The following TRAF3 variants were observed in gnomAD, a reference collection of about 807,000 sequenced individuals.
TRAF3 encodes TNF receptor associated factor 3, also known as TNF receptor-associated factor 3.
A neutral mutation model predicts 62.3 loss-of-function variants in TRAF3; 13 were observed. That is an observed-to-expected ratio of 0.21 (90% CI 0.14 to 0.33). The LOEUF is 0.33. TRAF3 is among the 10% of genes least tolerant of loss of function. TRAF3 has a pLI of 1.00. For missense variants in TRAF3, 440 were observed against 741.8 expected (o/e 0.59, Z 4.73); for synonymous variants, 269 against 283.4 (o/e 0.95, Z 0.51).
At chr14:102,793,197 G>A (rs563862280) in intron 1 of TRAF3, among the ~76,000 whole-genome samples, 1 of 152,220 alleles carries the variant, frequency 6.6e-6, no homozygotes, top group East Asian at 1.9e-4. Flanking sequence ...TGTTGCCCAG[G>A]TTGGAGTGTA....
intron 1 of TRAF3, among the ~76,000 whole-genome samples, chr14:102,790,193 A>G (rs918113571): frequency 6.6e-6 from 1 of 152,132 alleles, no homozygotes; most frequent in Admixed American, 6.6e-5. Context: ...TAATTCTTGT[A>G]TATGGAATGA....
chr14:102,818,670 A>G (rs752109255), intron 1 of TRAF3, among the ~76,000 whole-genome samples: 6 of 152,114 alleles, frequency 3.9e-5, no homozygotes, highest in Non-Finnish European at 5.9e-5. Flanking sequence ...ACGCTTCTTC[A>G]CCTTCTACTT....
intron 11 of TRAF3, 39 bp from the exon 12 acceptor site, chr14:102,905,174 C>T (rs1160989801): frequency 6.3e-7 from 1 of 1,586,834 alleles, no homozygotes; most frequent in East Asian, 2.2e-5. Context: ...CTCTGACGTT[C>T]ACCTGTCTCA....
chr14:102,838,588 A>G (rs1886168861), intron 2 of TRAF3, among the ~76,000 whole-genome samples: 1 of 152,234 alleles, frequency 6.6e-6, no homozygotes, highest in Non-Finnish European at 1.5e-5. Context: ...GATAAATAGT[A>G]GTTGTCAAGA....
intron 2 of TRAF3, among the ~76,000 whole-genome samples, chr14:102,850,593 C>T (rs377075306): frequency 2.7e-5 from 4 of 147,528 alleles, no homozygotes; most frequent in African/African-American, 1.0e-4. Flanking sequence ...ACTCAGGAGG[C>T]TGAGGCAGGA....
intron 2 of TRAF3, among the ~76,000 whole-genome samples, chr14:102,868,236 G>T (rs957050711): frequency 1.1e-4 from 16 of 152,242 alleles, no homozygotes; most frequent in Non-Finnish European, 2.1e-4. Context: ...CGTATCGTGA[G>T]AAAGGATGGA....
chr14:102,905,190 CA>C lies in TRAF3; in HGVS notation c.1136-20del. 3.7e-6 allele frequency: 6 copies of C among 1,611,108 alleles called. No homozygotes were observed. In the South Asian group the frequency reaches 5.5e-5, roughly 15 times the overall value. Reference sequence around the variant, plus strand: ...TCTGACGTTCACCTGTCTCATTCACCAAACCCTCCTCACCTGTGGCAGGCCT... The same window carrying C: ...TCTGACGTTCACCTGTCTCATTCACCAACCCTCCTCACCTGTGGCAGGCCT... On this transcript the variant is annotated intron_variant, in intron 11 of 11. Coordinates refer to ENST00000392745, the MANE Select transcript of TRAF3 (RefSeq NM_145725.3).
intron 1 of TRAF3, among the ~76,000 whole-genome samples, chr14:102,790,976 C>G (rs1378093622): frequency 6.6e-6 from 1 of 151,218 alleles, no homozygotes; most frequent in Non-Finnish European, 1.5e-5. Flanking sequence ...GCAATCTTAA[C>G]AGTATTGTCC....
At chr14:102,784,405 T>A (rs1228034141) in intron 1 of TRAF3, among the ~76,000 whole-genome samples, 1 of 152,034 alleles carries the variant, frequency 6.6e-6, no homozygotes, top group Non-Finnish European at 1.5e-5. Flanking sequence ...GTATTTTTAG[T>A]AGAAACAGGG....
rs189532824 is a variant in TRAF3 at position 102,818,949 on chromosome 14, T to G, written c.-156-11385T>G. Among the ~76,000 whole-genome samples, 1,273 of 152,196 alleles carry G rather than the reference T, an allele frequency of 8.4e-3. 10 individuals are homozygous for G. The highest frequency in any genetic ancestry group is 0.011 in the African/African-American group (440 of 41,494). ...TCTTATAAATAAATACAATTTTTTT[T>G]GTCAATTAAATTTTTTAAAAATTAC... On this transcript the variant is annotated intron_variant, in intron 1 of 11. Transcript: ENST00000392745.
At position 102,907,619 on chromosome 14, in the gene TRAF3, G is replaced by A. The variant is rs1023460694; in HGVS notation, c.*1835G>A. The A allele has an allele frequency of 4.6e-5, 7 of 152,242 alleles. No individual in the cohort carries two copies. The highest frequency in any genetic ancestry group is 1.4e-4 in the African/African-American group (6 of 41,414). 9.4% of individuals were successfully genotyped at this position (152,242 alleles called of 1,614,324 possible). A position where few individuals can be genotyped will look rare whatever the true frequency, so the allele number is the denominator to read the frequency against. On this transcript the variant is annotated 3_prime_UTR_variant, in exon 12 of 12. Transcript: ENST00000392745. ...CCGTGCACGTCAGACTGCCTGCCTC[G>A]GCTCTCCCCGTGGCCGCGCGGGGAC...
intron 2 of TRAF3, among the ~76,000 whole-genome samples, chr14:102,856,401 C>T (rs756828851): frequency 3.3e-5 from 5 of 152,096 alleles, no homozygotes; most frequent in South Asian, 2.1e-4. Flanking sequence ...AACTTCCTGA[C>T]GTTGCCATGG....
intron 1 of TRAF3, among the ~76,000 whole-genome samples, chr14:102,820,932 C>T (rs1019758041): frequency 2.0e-5 from 3 of 151,956 alleles, no homozygotes; most frequent in African/African-American, 4.8e-5. Flanking sequence ...ACCACACCCT[C>T]CTGGTACCTG....
At position 102,903,224 on chromosome 14, in the gene TRAF3, G is replaced by A; in HGVS notation, c.961-31G>A. On this transcript the variant is annotated intron_variant, in intron 10 of 11. Coordinates refer to ENST00000392745, the MANE Select transcript of TRAF3 (RefSeq NM_145725.3). The surrounding 1 kb of genome is among the most constrained non-coding windows in gnomAD (Gnocchi z 6.4). ...GCAGCATTTTCCGAGTCCTAACTGTGTTTTGCTTTTTAACACCTTTGGTTT... is the reference window on the plus strand; with the variant it reads ...GCAGCATTTTCCGAGTCCTAACTGTATTTTGCTTTTTAACACCTTTGGTTT... The A allele has an allele frequency of 6.2e-7, 1 of 1,614,114 alleles. No homozygotes were observed.
At chr14:102,852,727 A>G (rs574159534) in intron 2 of TRAF3, among the ~76,000 whole-genome samples, 50 of 152,030 alleles carry the variant, frequency 3.3e-4, no homozygotes, top group African/African-American at 1.2e-3. Flanking sequence ...TAGAGACAGA[A>G]TCTTGCCCTG....
At chr14:102,836,445 A>G (rs1645968538) in intron 2 of TRAF3, among the ~76,000 whole-genome samples, 1 of 152,266 alleles carries the variant, frequency 6.6e-6, no homozygotes, top group South Asian at 2.1e-4. Flanking sequence ...TTGCATAACA[A>G]ATCTCTATTT....
chr14:102,798,094 C>T (rs1336498688), intron 1 of TRAF3, among the ~76,000 whole-genome samples: 1 of 152,150 alleles, frequency 6.6e-6, no homozygotes, highest in Non-Finnish European at 1.5e-5. Context: ...ACCACACATT[C>T]ACCAGTTCAG....
At chr14:102,852,202 A>G (rs949064671) in intron 2 of TRAF3, among the ~76,000 whole-genome samples, 2 of 152,220 alleles carry the variant, frequency 1.3e-5, no homozygotes, top group Non-Finnish European at 2.9e-5. Context: ...TCCTGGGCTC[A>G]AGTGATCCTC....
chr14:102,811,913 C>CGTTTTTTTT (rs1381571409), intron 1 of TRAF3, among the ~76,000 whole-genome samples: 1 of 47,076 alleles, frequency 2.1e-5, no homozygotes, highest in Non-Finnish European at 3.7e-5. Flanking sequence ...ATGCCTGGCC[C>CGTTTTTTTT]TTTTTTTTTT....
Sources: gnomAD v4.1 joint callset for allele counts (sites outside exome capture counted in the v4.1 genomes callset) on GRCh38, gnomAD v4.1.1 for gene constraint, Gnocchi (gnomAD v3.1) non-coding constraint, MANE v1.5 for transcripts, NCBI Gene and HGNC (gene_info 2026-07-23, HGNC 2026-07-21) for gene names.